ZNF561: variants seen among roughly 807,000 people sequenced by gnomAD.
ZNF561 encodes zinc finger protein 561.
A neutral mutation model predicts 16.7 loss-of-function variants in ZNF561; 16 were observed. The observed-to-expected ratio is 0.96, with a 90% CI of 0.65 to 1.45. ZNF561 has a LOEUF of 1.45. ZNF561 is among the 40% of genes most tolerant of loss of function. The pLI is 0.00. For missense variants in ZNF561, 580 were observed against 578.0 expected (o/e 1.00, Z -0.04); for synonymous variants, 190 against 192.1 (o/e 0.99, Z 0.09).
chr19:9,616,876 G>A (rs1159922101), intron 4 of ZNF561, 169 bp downstream of exon 4: 15 of 829,922 alleles, frequency 1.8e-5, no homozygotes, highest in Non-Finnish European at 2.6e-5. Context: ...TTACAGGCAT[G>A]AGCCACTGCG....
rs1169798709 is a variant in ZNF561, at chr19:9,610,311, T to A, written c.1350A>T (p.Val450=). Residue 450 remains valine (V), a synonymous_variant, in exon 6 of 6, where the codon GTA becomes GTT. Coordinates refer to ENST00000302851, the MANE Select transcript of ZNF561 (RefSeq NM_152289.3). ...CAAATGCTTTCCCACATTCTTTACA[T>A]ACGAAGGGTTTCTCTCCGGTATGAG... ...LRTHTGEKPF[V]CKECGKAFAV... is the part of the protein sequence containing the mutation. 6.2e-7 allele frequency: 1 copy of A among 1,614,034 alleles called. No homozygotes were observed. The highest frequency in any genetic ancestry group is 1.3e-5 in the African/African-American group (1 of 74,936).
intron 5 of ZNF561, among the ~76,000 whole-genome samples, chr19:9,611,655 G>C (rs1305029888): frequency 4.6e-5 from 7 of 152,112 alleles, no homozygotes; most frequent in African/African-American, 1.7e-4. Flanking sequence ...AAGTTACCCA[G>C]GCTGGTCTCA....
Position 9,611,197 on chromosome 19 carries a change from G to A in ZNF561, c.464C>T (p.Thr155Ile), listed in dbSNP as rs746985772. ...TSEGNCYGKD[T>I]LSVHKEASTG... ...AGAGGCTTCCTTGTGCACACTGAGG[G>A]TGTCTTTTCCATAACAATTACCCTC... The change falls in exon 6 of 6, where the codon ACC becomes ATC. Residue 155 changes from threonine (T) to isoleucine (I), a missense_variant. Coordinates refer to ENST00000302851, the MANE Select transcript of ZNF561 (RefSeq NM_152289.3). 2.5e-6 allele frequency: 4 copies of A among 1,613,918 alleles called. No homozygotes were observed. The highest frequency in any genetic ancestry group is 3.4e-6 in the Non-Finnish European group (4 of 1,179,852).
At chr19:9,618,830 AT>A (rs1318327097) in intron 2 of ZNF561, among the ~76,000 whole-genome samples, 1 of 151,310 alleles carries the variant, frequency 6.6e-6, no homozygotes, top group Non-Finnish European at 1.5e-5. Flanking sequence ...CTAAAACAGC[AT>A]TCTGGCTGGG....
At chr19:9,615,043 T>C (rs2074529916) in intron 4 of ZNF561, among the ~76,000 whole-genome samples, 1 of 151,944 alleles carries the variant, frequency 6.6e-6, no homozygotes, top group Non-Finnish European at 1.5e-5. Context: ...TTTCACAGTG[T>C]AGGACACACT....
Position 9,610,902 on chromosome 19 carries a change from T to C in ZNF561, c.759A>G (p.Lys253=). The change falls in exon 6 of 6, where the codon AAA becomes AAG. Residue 253 remains lysine (K), a synonymous_variant. Coordinates refer to ENST00000302851, the MANE Select transcript of ZNF561 (RefSeq NM_152289.3). ...CVAVHTGKKS[K]KTKKCGKSFT... ...AGGATTTCCCACATTTCTTAGTCTT[T>C]TTGGATTTCTTTCCTGTATGAACTG... The C allele has an allele frequency of 2.5e-6, 4 of 1,614,196 alleles. No homozygotes were observed. The African/African-American group carries it at 5.3e-5, about 22-fold the overall frequency.
In ZNF561 at chr19:9,610,280, A is replaced by G. The variant is rs2074421436; in HGVS notation, c.1381T>C (p.Ser461Pro). The part of the protein sequence containing the change: ...CKECGKAFAV[S>P]SRLSRHERIH... ...CTTTCATGTCTACTTAGGCGTGAGG[A>G]AACAGCAAATGCTTTCCCACATTCT... The change falls in exon 6 of 6, where the codon TCC (serine) becomes CCC (proline). Residue 461 changes from serine to proline, a missense_variant. By Grantham distance (74) the Ser-to-Pro change is moderately conservative (BLOSUM62 -1). Coordinates refer to ENST00000302851, the MANE Select transcript of ZNF561 (RefSeq NM_152289.3). 6.2e-7 allele frequency: 1 copy of G among 1,614,130 alleles called. No individual in the cohort carries two copies. The highest frequency in any genetic ancestry group is 8.5e-7 in the Non-Finnish European group (1 of 1,179,996).
intron 2 of ZNF561, 79 bp downstream of exon 2, chr19:9,619,353 G>T (rs2074616638): frequency 1.4e-6 from 2 of 1,470,526 alleles, no homozygotes; most frequent in Non-Finnish European, 1.9e-6. Flanking sequence ...GCCTGCTCAG[G>T]CTCAGCTCAC....
At chr19:9,614,127 C>T (rs749694475) in intron 4 of ZNF561, 24 bp from the exon 5 acceptor site, 26 of 1,611,114 alleles carry the variant, frequency 1.6e-5, no homozygotes, top group African/African-American at 5.3e-5. Context: ...GAAAAAGAAA[C>T]GTAAGGATTT....
intron 1 of ZNF561, among the ~76,000 whole-genome samples, chr19:9,620,246 T>C (rs375666226): frequency 6.6e-6 from 1 of 152,172 alleles, no homozygotes; most frequent in Non-Finnish European, 1.5e-5. Flanking sequence ...TGCACTACCA[T>C]GCCTGGCTAA....
chr19:9,610,771 T>C lies in ZNF561; in HGVS notation c.890A>G (p.Asn297Ser). The C allele has an allele frequency of 6.2e-7, 1 of 1,614,214 alleles. No homozygotes were observed. The highest frequency in any genetic ancestry group is 8.5e-7 in the Non-Finnish European group (1 of 1,180,030). Residue 297 changes from asparagine to serine, a missense_variant, in exon 6 of 6, where the codon AAT becomes AGT. By Grantham distance (46) the Asn-to-Ser change is conservative. Transcript: ENST00000302851. ...GRSFRNSSCL[N>S]DHIQIHTGIK... ...TCCAGTGTGAATTTGAATGTGATCATTAAGGCATGAGGAATTTCTAAAGGA... is the reference window on the plus strand; with the variant it reads ...TCCAGTGTGAATTTGAATGTGATCACTAAGGCATGAGGAATTTCTAAAGGA...
rs773146826 is a variant in ZNF561, at chr19:9,610,525, C to G, written c.1136G>C (p.Ser379Thr). 1 of 1,614,022 alleles carries G rather than the reference C, an allele frequency of 6.2e-7. No individual in the cohort carries two copies. The highest frequency in any genetic ancestry group is 2.2e-5 in the East Asian group (1 of 44,884). The change falls in exon 6 of 6, where the codon AGT becomes ACT. Residue 379 changes from serine (S) to threonine (T), a missense_variant. Coordinates refer to ENST00000302851, the MANE Select transcript of ZNF561 (RefSeq NM_152289.3). ...ECGKAFTTSTSLIQHTRIHTG... is the reference protein window; with the variant it reads ...ECGKAFTTSTTLIQHTRIHTG... ...GTGAATTCTTGTATGCTGAATAAGA[C>G]TTGTGGATGTAGTGAAGGCTTTCCC...
At chr19:9,614,842 T>G (rs1296960723) in intron 4 of ZNF561, among the ~76,000 whole-genome samples, 3 of 142,680 alleles carry the variant, frequency 2.1e-5, no homozygotes, top group Admixed American at 6.9e-5. Flanking sequence ...TTAAAAATCT[T>G]TTTTTTTTTT....
chr19:9,618,283 C>A, intron 2 of ZNF561, 104 bp from the exon 3 acceptor site: 1 of 1,134,396 alleles, frequency 8.8e-7, no homozygotes. Context: ...CGATATGCTC[C>A]TACACACTCG....
chr19:9,618,317 C>G (rs763307830), intron 2 of ZNF561, 138 bp from the exon 3 acceptor site: 5 of 857,574 alleles, frequency 5.8e-6, no homozygotes, highest in Non-Finnish European at 8.8e-6. Context: ...CACAACACTT[C>G]CATGAAATGC....
chr19:9,610,184 GA>G lies in ZNF561; in HGVS notation c.*15del, dbSNP rs1568228120. The G allele has an allele frequency of 1.3e-6, 2 of 1,538,196 alleles. No homozygotes were observed. Among genetic ancestry groups the G allele is most frequent in the South Asian group, 1.2e-5 (1 of 80,392 alleles). ...TTTGGTGTCATTGCCAATAATTAAAGATGGCAACCGATGGGCTAAATGGTAA... is the reference window on the plus strand; with the variant it reads ...TTTGGTGTCATTGCCAATAATTAAAGTGGCAACCGATGGGCTAAATGGTAA... On this transcript the variant is annotated 3_prime_UTR_variant, in exon 6 of 6. Coordinates refer to ENST00000302851, the MANE Select transcript of ZNF561 (RefSeq NM_152289.3).
At position 9,617,183 on chromosome 19, in the gene ZNF561, T is replaced by C. The variant is rs994341158; in HGVS notation, c.115-12A>G. The C allele has an allele frequency of 1.2e-6, 2 of 1,610,518 alleles. No individual in the cohort carries two copies. The highest frequency in any genetic ancestry group is 2.7e-5 in the African/African-American group (2 of 74,874). ...AACGTCACTGAATCCTATGTCATCATACACATGCTGGTTTGAGCCAATGAA... is the reference window on the plus strand; with the variant it reads ...AACGTCACTGAATCCTATGTCATCACACACATGCTGGTTTGAGCCAATGAA... On this transcript the variant is annotated splice_polypyrimidine_tract_variant and intron_variant, in intron 3 of 5. Coordinates refer to ENST00000302851, the MANE Select transcript of ZNF561 (RefSeq NM_152289.3).
intron 1 of ZNF561, among the ~76,000 whole-genome samples, chr19:9,619,921 C>CCTATCTATCTATCTATCTATCTATCTAT (rs372679906): frequency 0.052 from 6,082 of 116,066 alleles, 179 homozygotes; most frequent in Admixed American, 0.09. Flanking sequence ...CTATATCTAT[C>CCTATCTATCTATCTATCTATCTATCTAT]CTATCTATCT....
chr19:9,612,253 G>C (rs898472537), intron 5 of ZNF561, among the ~76,000 whole-genome samples: 1 of 150,704 alleles, frequency 6.6e-6, no homozygotes, highest in Non-Finnish European at 1.5e-5. Flanking sequence ...TTGAGATGTA[G>C]TCTCACTTTG....
Sources: gnomAD v4.1 joint callset for allele counts (sites outside exome capture counted in the v4.1 genomes callset) on GRCh38, gnomAD v4.1.1 for gene constraint, MANE v1.5 for transcripts, NCBI Gene and HGNC (gene_info 2026-07-23, HGNC 2026-07-21) for gene names.